ADGRA3: variants seen among roughly 807,000 people sequenced by gnomAD.
ADGRA3 encodes adhesion G protein-coupled receptor A3, also known as G-protein coupled receptor 125.
A neutral mutation model predicts 119.8 loss-of-function variants in ADGRA3; 56 were observed. That is an observed-to-expected ratio of 0.47 (90% CI 0.38 to 0.58). The LOEUF is 0.58. Among genes scored for constraint, ADGRA3 ranks in the 20% least tolerant of loss-of-function variants. ADGRA3 has a pLI of 0.00. For synonymous variants in ADGRA3, 607 were observed against 623.8 expected (o/e 0.97, Z 0.40); for missense variants, 1,516 against 1,649.0 (o/e 0.92, Z 1.40).
intron 4 of ADGRA3, among the ~76,000 whole-genome samples, chr4:22,450,254 A>T (rs966186154): frequency 1.5e-4 from 22 of 149,966 alleles, no homozygotes; most frequent in East Asian, 3.9e-4. Flanking sequence ...ACCCACCCCC[A>T]TCCTTTATGC....
Position 22,387,588 on chromosome 4 carries a change from T to C in ADGRA3, c.*117A>G, listed in dbSNP as rs1713879911. On this transcript the variant is annotated 3_prime_UTR_variant, in exon 19 of 19. Coordinates refer to ENST00000334304, the MANE Select transcript of ADGRA3 (RefSeq NM_145290.4). ...AAGTAAAATCCAAAACTTCAAAGTT[T>C]ATTCCAAATTCTTTTGAATCCCTAT... The C allele has an allele frequency of 1.9e-5, 19 of 1,006,886 alleles. No individual in the cohort carries two copies. Among genetic ancestry groups the C allele is most frequent in the Non-Finnish European group, 2.6e-5 (19 of 720,326 alleles). 62.4% of individuals were successfully genotyped at this position (1,006,886 alleles called of 1,614,324 possible).
Position 22,424,310 on chromosome 4 carries a change from C to T in ADGRA3, c.1486G>A (p.Ala496Thr). 6.2e-7 allele frequency: 1 copy of T among 1,613,868 alleles called. No homozygotes were observed. Among genetic ancestry groups the T allele is most frequent in the Non-Finnish European group, 8.5e-7 (1 of 1,179,840 alleles). ...MVDIASNIML[A>T]DERVLWLAQR... ...GCCAGCCACAGGACACGTTCATCAGCCAACATGATGTTACTTGCAATGTCA... is the reference window on the plus strand; with the variant it reads ...GCCAGCCACAGGACACGTTCATCAGTCAACATGATGTTACTTGCAATGTCA... Residue 496 changes from alanine to threonine, a missense_variant, in exon 11 of 19, where the codon GCT becomes ACT. Physicochemically the swap from Ala to Thr is moderately conservative, Grantham distance 58. Transcript: ENST00000334304.
At chr4:22,434,660 GC>G (rs1716321334) in intron 10 of ADGRA3, among the ~76,000 whole-genome samples, 1 of 152,108 alleles carries the variant, frequency 6.6e-6, no homozygotes, top group Non-Finnish European at 1.5e-5. Context: ...CAATAATTCT[GC>G]CCCTTGAAAA....
intron 6 of ADGRA3, 40 bp from the exon 7 acceptor site, chr4:22,442,903 T>C (rs1241939625): frequency 1.4e-6 from 2 of 1,409,632 alleles, no homozygotes; most frequent in South Asian, 2.4e-5. Flanking sequence ...ACAAATATAA[T>C]TTCCAAACAC....
intron 1 of ADGRA3, among the ~76,000 whole-genome samples, chr4:22,495,247 A>C (rs531558267): frequency 6.6e-6 from 1 of 152,052 alleles, no homozygotes; most frequent in Admixed American, 6.5e-5. Context: ...GGACAGCACA[A>C]GACTTCTTCC....
Position 22,388,508 on chromosome 4 carries a change from G to A in ADGRA3, c.3163C>T (p.Leu1055Phe), listed in dbSNP as rs765410811. 7 of 1,614,062 alleles carry A rather than the reference G, an allele frequency of 4.3e-6. No homozygotes were observed. The South Asian group carries it at 7.7e-5, about 18-fold the overall frequency. Residue 1055 changes from leucine (L) to phenylalanine (F), a missense_variant, in exon 19 of 19, where the codon CTT becomes TTT. By Grantham distance (22) the Leu-to-Phe change is conservative. Transcript: ENST00000334304. ...GGGCAGCAAGTCATGATCCACGCAA[G>A]TCTAACATCCTCCCTATTAACACAA... ...HHCVNREDVRLAWIMTCCPGR... is the reference protein window; with the variant it reads ...HHCVNREDVRFAWIMTCCPGR...
In ADGRA3 at chr4:22,389,082, A is replaced by G; in HGVS notation, c.2723+6T>C. 3 of 1,612,778 alleles carry G rather than the reference A, an allele frequency of 1.9e-6. No individual in the cohort carries two copies. The highest frequency in any genetic ancestry group is 2.5e-6 in the Non-Finnish European group (3 of 1,178,966). On this transcript the variant is annotated splice_donor_region_variant and intron_variant, in intron 18 of 18. Coordinates refer to ENST00000334304, the MANE Select transcript of ADGRA3 (RefSeq NM_145290.4). ...GTCAAGTACACAGAGAATATAAAATACTCACTAGGGTGCGTTTGGCCGACT... is the reference window on the plus strand; with the variant it reads ...GTCAAGTACACAGAGAATATAAAATGCTCACTAGGGTGCGTTTGGCCGACT...
In ADGRA3 at chr4:22,435,319, AT is replaced by A; in HGVS notation, c.1434del (p.Lys478AsnfsTer5). 5 of 1,612,494 alleles carry A rather than the reference AT, an allele frequency of 3.1e-6. No homozygotes were observed. Among genetic ancestry groups the A allele is most frequent in the Non-Finnish European group, 4.2e-6 (5 of 1,178,714 alleles). On this transcript the variant is annotated frameshift_variant, in exon 10 of 19. Coordinates refer to ENST00000334304, the MANE Select transcript of ADGRA3 (RefSeq NM_145290.4). LOFTEE classifies it high-confidence loss of function. ...EKFGRFTKEE[K>X]SKELGDVMVD... The stretch of plus-strand genomic sequence containing the variant: ...TGAATTTAGAGAAGTACCTCTTTTG[AT>A]TTTTCCTCCTTGGTAAATCTTCCAA...
intron 1 of ADGRA3, among the ~76,000 whole-genome samples, chr4:22,478,477 A>G (rs1295892535): frequency 6.6e-6 from 1 of 152,190 alleles, no homozygotes; most frequent in Non-Finnish European, 1.5e-5. Flanking sequence ...AGTACTAAAT[A>G]TTCAGATCAA....
At chr4:22,456,037 C>T (rs970876005) in intron 3 of ADGRA3, among the ~76,000 whole-genome samples, 11 of 152,254 alleles carry the variant, frequency 7.2e-5, no homozygotes, top group African/African-American at 2.4e-4. Context: ...GAGAGGTACG[C>T]ATTCTTCGAG....
intron 3 of ADGRA3, among the ~76,000 whole-genome samples, chr4:22,458,436 C>T (rs1319365972): frequency 1.3e-5 from 2 of 152,166 alleles, no homozygotes; most frequent in Non-Finnish European, 2.9e-5. Context: ...CTAGCTACTG[C>T]TTCATCTCTT....
At chr4:22,419,823 G>C (rs1715578537) in intron 12 of ADGRA3, among the ~76,000 whole-genome samples, 1 of 152,016 alleles carries the variant, frequency 6.6e-6, no homozygotes, top group Admixed American at 6.6e-5. Context: ...AGGTCCAAAG[G>C]AGTGTGGCAC....
chr4:22,497,744 G>A (rs1160359639), intron 1 of ADGRA3, among the ~76,000 whole-genome samples: 7 of 125,800 alleles, frequency 5.6e-5, no homozygotes, highest in Non-Finnish European at 1.1e-4. Flanking sequence ...AGCCAAGATC[G>A]CATCATTGCT....
intron 14 of ADGRA3, among the ~76,000 whole-genome samples, chr4:22,410,056 C>T (rs547850784): frequency 3.9e-5 from 6 of 152,094 alleles, no homozygotes; most frequent in Non-Finnish European, 8.8e-5. Context: ...GCTTTGAATA[C>T]CATTTTAATC....
At chr4:22,488,518 C>G (rs1718515482) in intron 1 of ADGRA3, among the ~76,000 whole-genome samples, 1 of 152,190 alleles carries the variant, frequency 6.6e-6, no homozygotes, top group South Asian at 2.1e-4. Flanking sequence ...GTACAATTCA[C>G]AGGCTAACAA....
chr4:22,433,114 T>A lies in ADGRA3; in HGVS notation c.1443+2197A>T, dbSNP rs181978110. ...AGTCACTGCATCACACGCAATATTATCACATTTATATCTCAATTATTCAAT... is the reference window on the plus strand; with the variant it reads ...AGTCACTGCATCACACGCAATATTAACACATTTATATCTCAATTATTCAAT... On this transcript the variant is annotated intron_variant, in intron 10 of 18. Coordinates refer to ENST00000334304, the MANE Select transcript of ADGRA3 (RefSeq NM_145290.4). Among the ~76,000 whole-genome samples the A allele has an allele frequency of 3.3e-5, 5 of 152,292 alleles. No homozygotes were observed. The East Asian group carries it at 9.7e-4, about 29-fold the overall frequency.
chr4:22,413,754 T>G lies in ADGRA3; in HGVS notation c.1870A>C (p.Arg624=), dbSNP rs1000071093. 6.2e-7 allele frequency: 1 copy of G among 1,613,906 alleles called. No individual in the cohort carries two copies. The highest frequency in any genetic ancestry group is 8.5e-7 in the Non-Finnish European group (1 of 1,179,878). The change falls in exon 13 of 19, where the codon AGA becomes CGA. Residue 624 remains arginine (R), a synonymous_variant. Transcript: ENST00000334304. ...PPSLFSPKQK[R]ELRPTDDSLY... is the part of the protein sequence containing the mutation. ...GAGTCATCAGTTGGTCTGAGTTCTC[T>G]TTTTTGCTTTGGTGAGAAAAGGGAA...
intron 1 of ADGRA3, among the ~76,000 whole-genome samples, chr4:22,480,796 T>C (rs1343379837): frequency 6.6e-6 from 1 of 152,202 alleles, no homozygotes; most frequent in African/African-American, 2.4e-5. Flanking sequence ...CAAAATGAAA[T>C]ACCAGAAAGA....
intron 15 of ADGRA3, 125 bp downstream of exon 15, chr4:22,402,549 TA>T: frequency 1.1e-6 from 1 of 904,624 alleles, no homozygotes; most frequent in Non-Finnish European, 1.7e-6. Context: ...GTATATATTC[TA>T]AAGTCATCAT....
Sources: allele counts gnomAD v4.1 joint callset (sites outside exome capture counted in the v4.1 genomes callset), GRCh38; gene constraint gnomAD v4.1.1; transcripts MANE v1.5; gene names NCBI Gene and HGNC (gene_info 2026-07-23, HGNC 2026-07-21).